The following ITPR3 variants were observed in gnomAD, a reference collection of about 807,000 sequenced individuals.
ITPR3 encodes the protein inositol 1,4,5-trisphosphate-gated calcium channel ITPR3.
Under a neutral mutation model 293.2 loss-of-function variants are expected in ITPR3, and 173 were observed. That is an observed-to-expected ratio of 0.59 (90% CI 0.52 to 0.67). ITPR3 has a LOEUF of 0.67. Ranked by LOEUF, ITPR3 falls within the 30% of genes least tolerant of loss-of-function variation. The pLI is 0.00. For synonymous variants in ITPR3, 1,295 were observed against 1,444.4 expected (o/e 0.90, Z 2.35); for missense variants, 2,796 against 3,592.1 (o/e 0.78, Z 5.66).
At chr6:33,660,505 A>G (rs559373942) in intron 7 of ITPR3, among the ~76,000 whole-genome samples, 12 of 151,836 alleles carry the variant, frequency 7.9e-5, no homozygotes, top group South Asian at 2.1e-4. Context: ...CCCTGCCCCA[A>G]TGCCTTCTCC....
rs749137477 is a variant in ITPR3 at position 33,667,952 on chromosome 6, AC to A, written c.1876del (p.Arg626GlyfsTer48). The A allele has an allele frequency of 6.2e-7, 1 of 1,614,046 alleles. No homozygotes were observed. The highest frequency in any genetic ancestry group is 8.5e-7 in the Non-Finnish European group (1 of 1,180,004). On this transcript the variant is annotated frameshift_variant, in exon 16 of 58. Transcript: ENST00000605930. LOFTEE classifies it high-confidence loss of function. The surrounding 1 kb of genome is among the most constrained non-coding windows in gnomAD (Gnocchi z 4.4). ...ACCTTCGTCAGCCTTGTGCGCAAGA[AC>A]CGGGAGCCCAGGTGGGCCCGAACCC... ...VETFVSLVRK[N>X]REPRFLDYLS... is the part of the protein sequence containing the mutation.
chr6:33,693,148 A>G (rs1481556698), intron 55 of ITPR3, among the ~76,000 whole-genome samples: 2 of 152,100 alleles, frequency 1.3e-5, no homozygotes, highest in Non-Finnish European at 2.9e-5. Flanking sequence ...CAGTGTCTGG[A>G]GCTTCTGGTC....
intron 2 of ITPR3, among the ~76,000 whole-genome samples, chr6:33,650,785 G>C (rs1764168285): frequency 6.6e-6 from 1 of 151,482 alleles, no homozygotes; most frequent in African/African-American, 2.4e-5. Flanking sequence ...TTCTCTGCAG[G>C]GATCTTCAAG....
At chr6:33,644,354 C>T (rs943503294) in intron 2 of ITPR3, among the ~76,000 whole-genome samples, 3 of 151,428 alleles carry the variant, frequency 2.0e-5, no homozygotes, top group Non-Finnish European at 4.4e-5. Context: ...AACTCCTGAC[C>T]TCAGGCAATC....
Position 33,695,718 on chromosome 6 carries a change from G to A in ITPR3, c.7954G>A (p.Glu2652Lys), listed in dbSNP as rs1350188701. Residue 2652 changes from glutamate (E) to lysine (K), a missense_variant, in exon 58 of 58, where the codon GAG becomes AAG. By Grantham distance (56) the Glu-to-Lys change is moderately conservative. Around this residue, in one of 8 missense-constraint regions of ITPR3, gnomAD observed 568 missense variants for 796.1 expected, o/e 0.71. Transcript: ENST00000605930. Reference protein sequence around the residue: ...QLNELKEQMTEQRKRRQRLGF... With the variant: ...QLNELKEQMTKQRKRRQRLGF... ...GGCATCTGCTTAACCCTAGATGACG[G>A]AGCAGCGGAAACGCAGGCAACGCCT... The A allele has an allele frequency of 1.2e-6, 2 of 1,614,024 alleles. No homozygotes were observed. The highest frequency in any genetic ancestry group is 1.7e-6 in the Non-Finnish European group (2 of 1,180,042).
chr6:33,639,335 C>T lies in ITPR3; in HGVS notation c.90-1149C>T, dbSNP rs1335334703. Reference sequence around the variant, plus strand: ...CAGAGGTTGCAGTGAGTCGAGATTGCGCCACTGCACTCCAGTCTGGTCGAC... The same window carrying T: ...CAGAGGTTGCAGTGAGTCGAGATTGTGCCACTGCACTCCAGTCTGGTCGAC... On this transcript the variant is annotated intron_variant, in intron 1 of 57. Coordinates refer to ENST00000605930, the MANE Select transcript of ITPR3 (RefSeq NM_002224.4). Among the ~76,000 whole-genome samples the T allele has an allele frequency of 5.4e-5, 8 of 149,086 alleles. No homozygotes were observed. In the East Asian group the frequency reaches 9.9e-4, roughly 18 times the overall value.
In ITPR3 at chr6:33,672,320, G is replaced by C; in HGVS notation, c.2928+92G>C. Reference sequence around the variant, plus strand: ...AGGCTGGGCAGGGCGAACCCCTTCAGATCTCAGTATTTAGTACTGGAAGTC... The same window carrying C: ...AGGCTGGGCAGGGCGAACCCCTTCACATCTCAGTATTTAGTACTGGAAGTC... On this transcript the variant is annotated intron_variant, in intron 22 of 57. Coordinates refer to ENST00000605930, the MANE Select transcript of ITPR3 (RefSeq NM_002224.4). This position sits in a 1 kb window ranked among gnomAD's most constrained non-coding sequence, Gnocchi z 5.0. 9.0e-7 allele frequency: 1 copy of C among 1,115,426 alleles called. No homozygotes were observed. Among genetic ancestry groups the C allele is most frequent in the Non-Finnish European group, 1.3e-6 (1 of 762,588 alleles). The allele number at this position is 1,115,426 out of a possible 1,614,324, so 69.1% of individuals were successfully genotyped here.
Position 33,621,538 on chromosome 6 carries a change from C to T in ITPR3, c.-65C>T. ...CCGCTCCCCGGACGCCTCAGTCCTC[C>T]GCACTGAGCTTGGCCACGCGCCCCT... On this transcript the variant is annotated 5_prime_UTR_variant, in exon 1 of 58. Coordinates refer to ENST00000605930, the MANE Select transcript of ITPR3 (RefSeq NM_002224.4). The surrounding 1 kb of genome is among the most constrained non-coding windows in gnomAD (Gnocchi z 7.7). The T allele has an allele frequency of 8.3e-7, 1 of 1,208,238 alleles. No homozygotes were observed. The highest frequency in any genetic ancestry group is 1.2e-6 in the Non-Finnish European group (1 of 834,042). The allele number at this position is 1,208,238 out of a possible 1,614,324, so 74.8% of individuals were successfully genotyped here.
In ITPR3 at chr6:33,687,363, C is replaced by T. The variant is rs746448624; in HGVS notation, c.6177+36C>T. The T allele has an allele frequency of 1.3e-6, 2 of 1,528,006 alleles. No individual in the cohort carries two copies. Among genetic ancestry groups the T allele is most frequent in the Admixed American group, 3.5e-5 (2 of 56,844 alleles). The allele number at this position is 1,528,006 out of a possible 1,614,324, so 94.7% of individuals were successfully genotyped here. A position where few individuals can be genotyped will look rare whatever the true frequency, so the allele number is the denominator to read the frequency against. On this transcript the variant is annotated intron_variant, in intron 45 of 57. Transcript: ENST00000605930. This position sits in a 1 kb window ranked among gnomAD's most constrained non-coding sequence, Gnocchi z 5.3. ...CACCCGTGGCAACGGCCATCACCCC[C>T]CTGGCCACCATACCCCGCCCCAGCT...
At position 33,663,503 on chromosome 6, in the gene ITPR3, A is replaced by C; in HGVS notation, c.958A>C (p.Asn320His). 8 of 1,605,364 alleles carry C rather than the reference A, an allele frequency of 5.0e-6. No individual in the cohort carries two copies. The highest frequency in any genetic ancestry group is 6.8e-6 in the Non-Finnish European group (8 of 1,175,544). The change falls in exon 10 of 58, where the codon AAC becomes CAC. Residue 320 changes from asparagine (N) to histidine (H), a missense_variant. Transcript: ENST00000605930. ...CACATCTTGTATCTCTGTCCAGGAG[A>C]ACCCCAGTTACAAAGGTGATGCCTC... ...ATGNYLAAEE[N>H]PSYKGDASDP...
Position 33,695,798 on chromosome 6 carries a change from C to G in ITPR3, c.*18C>G. 1 of 1,613,074 alleles carries G rather than the reference C, an allele frequency of 6.2e-7. No homozygotes were observed. The highest frequency in any genetic ancestry group is 8.5e-7 in the Non-Finnish European group (1 of 1,179,160). ...GCCGCTGAGGAGAGCCACCGAAGGC[C>G]CCAACAGGGGATGCTCATCACTGGA... On this transcript the variant is annotated 3_prime_UTR_variant, in exon 58 of 58. Transcript: ENST00000605930.
chr6:33,658,972 CAA>C lies in ITPR3; in HGVS notation c.529-48_529-47del, dbSNP rs1273760332. 1.2e-6 allele frequency: 2 copies of C among 1,604,066 alleles called. No individual in the cohort carries two copies. Among genetic ancestry groups the C allele is most frequent in the Non-Finnish European group, 1.7e-6 (2 of 1,171,304 alleles). ...AAAGGGAGGCCTGGAGGCGTGGTGA[CAA>C]GAGGGCCCTGCCCTTCCCACCTAAC... On this transcript the variant is annotated intron_variant, in intron 5 of 57. Coordinates refer to ENST00000605930, the MANE Select transcript of ITPR3 (RefSeq NM_002224.4). This position sits in a 1 kb window ranked among gnomAD's most constrained non-coding sequence, Gnocchi z 6.1.
rs563788240 is a variant in ITPR3 at position 33,667,044 on chromosome 6, T to C, written c.1552-85T>C. 20 of 1,494,516 alleles carry C rather than the reference T, an allele frequency of 1.3e-5. No homozygotes were observed. Among genetic ancestry groups the C allele is most frequent in the South Asian group, 2.5e-5 (2 of 78,922 alleles). 92.6% of individuals were successfully genotyped at this position (1,494,516 alleles called of 1,614,324 possible). A position where few individuals can be genotyped will look rare whatever the true frequency, so the allele number is the denominator to read the frequency against. On this transcript the variant is annotated intron_variant, in intron 14 of 57. Coordinates refer to ENST00000605930, the MANE Select transcript of ITPR3 (RefSeq NM_002224.4). The surrounding 1 kb of genome is among the most constrained non-coding windows in gnomAD (Gnocchi z 4.4). The stretch of plus-strand genomic sequence containing the variant: ...CGGGCTGGCTTTAGGGCAGAGTCAG[T>C]TGGGACTCAGGGATGACTCCTGGGA...
intron 2 of ITPR3, among the ~76,000 whole-genome samples, chr6:33,645,799 T>C (rs1029266591): frequency 6.6e-6 from 1 of 152,222 alleles, no homozygotes; most frequent in African/African-American, 2.4e-5. Context: ...TTGAGCACCT[T>C]TTCATAAGTT....
chr6:33,686,588 G>T, intron 43 of ITPR3, 69 bp downstream of exon 43: 1 of 1,178,586 alleles, frequency 8.5e-7, no homozygotes, highest in Non-Finnish European at 1.3e-6. Flanking sequence ...TGTGTGACTT[G>T]TGTGTCAAGT....
At chr6:33,673,977 C>G (rs983443112) in intron 23 of ITPR3, among the ~76,000 whole-genome samples, 1 of 152,206 alleles carries the variant, frequency 6.6e-6, no homozygotes, top group South Asian at 2.1e-4. Context: ...TGAGCCAGAC[C>G]GGGATCTGGT....
At chr6:33,644,708 G>A (rs1157127394) in intron 2 of ITPR3, among the ~76,000 whole-genome samples, 2 of 145,740 alleles carry the variant, frequency 1.4e-5, no homozygotes, top group African/African-American at 5.0e-5. Context: ...CTGTTGCCCA[G>A]GCTGGAGCAC....
rs1453000638 is a variant in ITPR3, at chr6:33,672,250, G to A, written c.2928+22G>A. ...TCAGGTGCCTGGGCCAGGACCGTGT[G>A]GGAGGTGTTGGGTATAGGGGGAGGG... On this transcript the variant is annotated intron_variant, in intron 22 of 57. Transcript: ENST00000605930. This position sits in a 1 kb window ranked among gnomAD's most constrained non-coding sequence, Gnocchi z 5.0. 4.3e-6 allele frequency: 7 copies of A among 1,609,292 alleles called. No homozygotes were observed. The highest frequency in any genetic ancestry group is 2.7e-5 in the African/African-American group (2 of 74,788).
chr6:33,665,197 A>G lies in ITPR3; in HGVS notation c.1393A>G (p.Ser465Gly), dbSNP rs376956946. The G allele has an allele frequency of 5.0e-6, 8 of 1,613,862 alleles. No homozygotes were observed. The highest frequency in any genetic ancestry group is 6.8e-6 in the Non-Finnish European group (8 of 1,179,800). The change falls in exon 13 of 58, where the codon AGC becomes GGC. Residue 465 changes from serine to glycine, a missense_variant. By Grantham distance (56) the Ser-to-Gly change is moderately conservative (BLOSUM62 0). Transcript: ENST00000605930. Reference protein sequence around the residue: ...AVEKLNEGFISQNDRRFVIQL... With the variant: ...AVEKLNEGFIGQNDRRFVIQL... The stretch of plus-strand genomic sequence containing the variant: ...GGAGAAACTCAACGAGGGCTTCATC[A>G]GCCAGAATGACCGCAGGTGGGCTGC...
Sources: gnomAD v4.1 joint callset for allele counts (sites outside exome capture counted in the v4.1 genomes callset) on GRCh38, gnomAD v4.1.1 for gene constraint, gnomAD v4.1.1 regional missense constraint, Gnocchi (gnomAD v3.1) non-coding constraint, MANE v1.5 for transcripts, NCBI Gene and HGNC (gene_info 2026-07-23, HGNC 2026-07-21) for gene names.